The following NELL2 variants were observed in gnomAD, a reference collection of about 807,000 sequenced individuals.
NELL2 encodes protein kinase C-binding protein NELL2.
NELL2 carries 41 observed loss-of-function variants against 109.6 expected under a neutral mutation model. The ratio of observed to expected loss-of-function variants is 0.37; its 90% confidence interval spans 0.29 to 0.49. NELL2 has a LOEUF of 0.49. Ranked by LOEUF, NELL2 falls within the 20% of genes least tolerant of loss-of-function variation. The pLI is 0.98. For missense variants in NELL2, 900 were observed against 1,008.3 expected, an observed-to-expected ratio of 0.89 and a Z score of 1.45; for synonymous variants, 355 against 344.7, an observed-to-expected ratio of 1.03 and a Z score of -0.33.
chr12:44,513,315 C>G (rs2072671002), intron 19 of NELL2, among the ~76,000 whole-genome samples: 1 of 151,834 alleles, frequency 6.6e-6, no homozygotes, highest in Non-Finnish European at 1.5e-5. Context: ...ACAGTCTTCA[C>G]AAGAAGCCAA....
chr12:44,720,543 T>G (rs1272634248), intron 9 of NELL2, among the ~76,000 whole-genome samples: 1 of 152,184 alleles, frequency 6.6e-6, no homozygotes, highest in Non-Finnish European at 1.5e-5. Flanking sequence ...CTGGTTACTC[T>G]CATAGCAGTA....
At position 44,686,547 on chromosome 12, in the gene NELL2, T is replaced by C. The variant is rs559317586; in HGVS notation, c.1318+17179A>G. On this transcript the variant is annotated intron_variant, in intron 12 of 19. Transcript: ENST00000429094. The stretch of plus-strand genomic sequence containing the variant: ...TGTTTTTTCCCCATCTTTGTGGTTT[T>C]ATCTACTTTTGGTCTTTGATGATGG... Among the ~76,000 whole-genome samples the C allele has an allele frequency of 5.4e-3, 818 of 152,288 alleles. 5 individuals are homozygous for C. The highest frequency in any genetic ancestry group is 7.6e-3 in the Admixed American group (116 of 15,308).
At chr12:44,871,361 C>T (rs1361520415) in intron 2 of NELL2, among the ~76,000 whole-genome samples, 1 of 152,158 alleles carries the variant, frequency 6.6e-6, no homozygotes, top group Non-Finnish European at 1.5e-5. Flanking sequence ...TAAGTTCTAA[C>T]GTCTTCATTT....
Position 44,610,917 on chromosome 12 carries a change from A to C in NELL2, c.1498T>G (p.Phe500Val). The change falls in exon 14 of 20, where the codon TTC becomes GTC. Residue 500 changes from phenylalanine (F) to valine (V), a missense_variant. By Grantham distance (50) the Phe-to-Val change is conservative. Around this residue, in one of 4 missense-constraint regions of NELL2, gnomAD observed 333 missense variants for 432.3 expected, o/e 0.77. Coordinates refer to ENST00000429094, the MANE Select transcript of NELL2 (RefSeq NM_001145108.2). ...CAGTTGTGTCCTCCAACAGTGTTGA[A>C]GCATAAAGCATTTTCATCACAGTTG... Reference protein sequence around the residue: ...QHNCDENALCFNTVGGHNCVC... With the variant: ...QHNCDENALCVNTVGGHNCVC... 1 of 1,613,118 alleles carries C rather than the reference A, an allele frequency of 6.2e-7. No homozygotes were observed. Among genetic ancestry groups the C allele is most frequent in the Non-Finnish European group, 8.5e-7 (1 of 1,179,310 alleles).
intron 15 of NELL2, among the ~76,000 whole-genome samples, chr12:44,533,837 G>A (rs896498179): frequency 1.3e-5 from 2 of 152,088 alleles, no homozygotes; most frequent in African/African-American, 4.8e-5. Flanking sequence ...CAATGGTGCT[G>A]AACCATTGTA....
intron 15 of NELL2, among the ~76,000 whole-genome samples, chr12:44,577,045 C>A (rs1398930028): frequency 5.8e-5 from 8 of 136,760 alleles, no homozygotes; most frequent in South Asian, 5.1e-4. Context: ...ATTTATAGTC[C>A]TTTGGGTATA....
At chr12:44,840,229 T>C (rs1217671013) in intron 2 of NELL2, among the ~76,000 whole-genome samples, 1 of 152,194 alleles carries the variant, frequency 6.6e-6, no homozygotes, top group Non-Finnish European at 1.5e-5. Flanking sequence ...TTGATAGAGT[T>C]GGTGATTTAT....
At chr12:44,881,740 T>C (rs776814270) in intron 1 of NELL2, 1 of 151,944 alleles carries the variant, frequency 6.6e-6, no homozygotes, top group Admixed American at 6.5e-5. Context: ...GAAAGAATGT[T>C]CTAAGATGTC....
chr12:44,665,515 T>A lies in NELL2; in HGVS notation c.1413A>T (p.Gly471=), dbSNP rs147816854. 1,361 of 1,613,540 alleles carry A rather than the reference T, an allele frequency of 8.4e-4. 19 individuals carry two copies. The South Asian group carries it at 0.014, about 17-fold the overall frequency. ...ATGAATAATCATCAATTCTGATGTA[T>A]CCAGTTTTGCAGATGCACATAAAAG... The part of the protein sequence containing the change: ...PGSFMCICKT[G]YIRIDDYSCT... The change falls in exon 13 of 20, where the codon GGA becomes GGT. Residue 471 remains glycine (G), a synonymous_variant. Transcript: ENST00000429094.
rs71093812 is a variant in NELL2, at chr12:44,528,097, C to CAAAAAAAAAAAAAAA, written c.1804+4469_1804+4483dup. Among the ~76,000 whole-genome samples the CAAAAAAAAAAAAAAA allele has an allele frequency of 1.5e-3, 33 of 22,006 alleles. 2 individuals are homozygous for CAAAAAAAAAAAAAAA. The highest frequency in any genetic ancestry group is 4.4e-3 in the African/African-American group (27 of 6,108). 14.4% of individuals were successfully genotyped at this position (22,006 alleles called of 152,430 possible). Reference sequence around the variant, plus strand: ...TGGGCGACAGAGCGAGACTCCGTCTCAAAAAAAAAAAAAAAAAAAAAAAAA... The same window carrying CAAAAAAAAAAAAAAA: ...TGGGCGACAGAGCGAGACTCCGTCTCAAAAAAAAAAAAAAAAAAAAAAAAAAAAAAAAAAAAAAAA... On this transcript the variant is annotated intron_variant, in intron 16 of 19. Transcript: ENST00000429094.
chr12:44,640,594 C>T (rs1946818994), intron 13 of NELL2, among the ~76,000 whole-genome samples: 1 of 150,264 alleles, frequency 6.7e-6, no homozygotes, highest in Non-Finnish European at 1.5e-5. Flanking sequence ...CATTGCACTG[C>T]TTCAGTTGCT....
At chr12:44,694,027 G>C (rs1284877642) in intron 12 of NELL2, among the ~76,000 whole-genome samples, 1 of 152,136 alleles carries the variant, frequency 6.6e-6, no homozygotes, top group Admixed American at 6.6e-5. Context: ...AAATACTTTT[G>C]CTCTTCTCTC....
intron 2 of NELL2, among the ~76,000 whole-genome samples, chr12:44,867,750 T>C (rs936958902): frequency 6.6e-6 from 1 of 152,122 alleles, no homozygotes; most frequent in African/African-American, 2.4e-5. Flanking sequence ...CAAAAAATTG[T>C]CAGAACTAAT....
intron 15 of NELL2, among the ~76,000 whole-genome samples, chr12:44,599,968 T>TG (rs1945140377): frequency 6.8e-6 from 1 of 146,266 alleles, no homozygotes; most frequent in South Asian, 2.2e-4. Context: ...CCGTTTTTTT[T>TG]TTTTTTTTTT....
intron 12 of NELL2, among the ~76,000 whole-genome samples, chr12:44,670,686 A>T (rs780610112): frequency 2.0e-5 from 3 of 152,008 alleles, no homozygotes; most frequent in Non-Finnish European, 4.4e-5. Context: ...TTCAAGTTAA[A>T]AAACATAAAA....
At chr12:44,724,908 A>G (rs1379485985) in intron 9 of NELL2, among the ~76,000 whole-genome samples, 1 of 152,110 alleles carries the variant, frequency 6.6e-6, no homozygotes, top group South Asian at 2.1e-4. Flanking sequence ...TGGTACTGGT[A>G]TAAAAACAGG....
intron 2 of NELL2, among the ~76,000 whole-genome samples, chr12:44,829,345 C>T (rs1045529669): frequency 3.9e-5 from 6 of 152,174 alleles, no homozygotes; most frequent in African/African-American, 1.2e-4. Flanking sequence ...CCTTTTAACA[C>T]ATGTAGCAAA....
At chr12:44,604,719 G>A (rs1376215243) in intron 15 of NELL2, among the ~76,000 whole-genome samples, 1 of 152,088 alleles carries the variant, frequency 6.6e-6, no homozygotes, top group East Asian at 1.9e-4. Flanking sequence ...AAATCCTGAA[G>A]GGCCTTATTT....
intron 2 of NELL2, among the ~76,000 whole-genome samples, chr12:44,825,648 G>A (rs933079278): frequency 1.3e-5 from 2 of 149,708 alleles, no homozygotes; most frequent in African/African-American, 2.4e-5. Flanking sequence ...CGACTGCCTC[G>A]GCCTCCCAAA....
Sources: gnomAD v4.1 joint callset for allele counts (sites outside exome capture counted in the v4.1 genomes callset) on GRCh38, gnomAD v4.1.1 for gene constraint, gnomAD v4.1.1 regional missense constraint, MANE v1.5 for transcripts, NCBI Gene and HGNC (gene_info 2026-07-23, HGNC 2026-07-21) for gene names.